COX7A2L: variants seen among roughly 807,000 people sequenced by gnomAD.
COX7A2L encodes cytochrome c oxidase subunit 7A2-like, mitochondrial.
In COX7A2L, 18 loss-of-function variants were observed where a neutral mutation model predicts 14.2. The ratio of observed to expected loss-of-function variants is 1.27; its 90% confidence interval spans 0.88 to 1.88. The LOEUF (loss-of-function observed/expected upper bound fraction) is 1.88, where lower values mean the gene tolerates loss of function less well. Among genes scored for constraint, COX7A2L ranks in the 40% most tolerant of loss-of-function variants. The pLI, the probability that COX7A2L is intolerant of heterozygous loss-of-function variation, is 0.00. For missense variants in COX7A2L, 179 were observed against 138.8 expected, an observed-to-expected ratio of 1.29 and a Z score of -1.46; for synonymous variants, 65 against 57.4, an observed-to-expected ratio of 1.13 and a Z score of -0.60.
At chr2:42,336,841 G>A (rs1670284950) in intron 2 of COX7A2L, among the ~76,000 whole-genome samples, 1 of 152,124 alleles carries the variant, frequency 6.6e-6, no homozygotes, top group Non-Finnish European at 1.5e-5. Flanking sequence ...GTTTATGTGG[G>A]ACTCAGGATC....
At chr2:42,343,485 A>T (rs1670439101) in intron 2 of COX7A2L, among the ~76,000 whole-genome samples, 1 of 152,240 alleles carries the variant, frequency 6.6e-6, no homozygotes, top group African/African-American at 2.4e-5. Flanking sequence ...GAGGAGCCAA[A>T]GATACCGGCC....
At chr2:42,364,250 CAA>C (rs35151680), upstream of COX7A2L, among the ~76,000 whole-genome samples, 279 of 85,402 alleles carry the variant, frequency 3.3e-3, 1 homozygote, top group South Asian at 8.5e-3. Flanking sequence ...GACTCCGTCT[CAA>C]AAAAAAAAAA....
At chr2:42,337,973 C>G (rs1469157658) in intron 2 of COX7A2L, among the ~76,000 whole-genome samples, 1 of 152,150 alleles carries the variant, frequency 6.6e-6, no homozygotes, top group African/African-American at 2.4e-5. Flanking sequence ...GGGAGAACCC[C>G]TAGCATGGCG....
At position 42,351,059 on chromosome 2, in the gene COX7A2L, T is replaced by C. The variant is rs183636967; in HGVS notation, c.*160A>G. 4.1e-6 allele frequency: 3 copies of C among 734,218 alleles called. No homozygotes were observed. Among genetic ancestry groups the C allele is most frequent in the South Asian group, 2.3e-5 (1 of 43,458 alleles). The allele number at this position is 734,218 out of a possible 1,614,324, so 45.5% of individuals were successfully genotyped here. On this transcript the variant is annotated 3_prime_UTR_variant, in exon 3 of 3. Coordinates refer to ENST00000234301, the MANE Select transcript of COX7A2L (RefSeq NM_004718.4). ...GTCGAATGAGCTCTGACAAGCCATATGCATTTCATAAACAAACCAAAACAT... is the reference window on the plus strand; with the variant it reads ...GTCGAATGAGCTCTGACAAGCCATACGCATTTCATAAACAAACCAAAACAT...
intron 1 of COX7A2L, among the ~76,000 whole-genome samples, chr2:42,360,767 G>T (rs779207536): frequency 2.1e-4 from 32 of 152,136 alleles, no homozygotes; most frequent in Non-Finnish European, 4.4e-4. Context: ...GAGGGAGAAG[G>T]CCGGACCTCT....
At chr2:42,341,905 G>C (rs543478376) in intron 2 of COX7A2L, among the ~76,000 whole-genome samples, 1 of 152,172 alleles carries the variant, frequency 6.6e-6, no homozygotes, top group Admixed American at 6.5e-5. Flanking sequence ...TCTCTGGACG[G>C]CTCTAATCAA....
At chr2:42,365,332 G>C (rs1042681020), upstream of COX7A2L, among the ~76,000 whole-genome samples, 1 of 152,182 alleles carries the variant, frequency 6.6e-6, no homozygotes, top group African/African-American at 2.4e-5. Flanking sequence ...TACACACACA[G>C]AAATACAAAG....
At chr2:42,347,041 AT>A (rs1670511301), downstream of COX7A2L, among the ~76,000 whole-genome samples, 1 of 151,818 alleles carries the variant, frequency 6.6e-6, no homozygotes, top group Non-Finnish European at 1.5e-5. Context: ...CCCTTTTTGT[AT>A]TTTTGTAGAG....
At chr2:42,341,235 G>A (rs915455122) in intron 2 of COX7A2L, among the ~76,000 whole-genome samples, 2 of 152,138 alleles carry the variant, frequency 1.3e-5, no homozygotes, top group Admixed American at 6.5e-5. Flanking sequence ...GACTGAGGCT[G>A]CAGACAGGCC....
chr2:42,361,124 G>A lies in COX7A2L; in HGVS notation c.38C>T (p.Ala13Val), dbSNP rs749476147. The A allele has an allele frequency of 1.3e-5, 21 of 1,613,712 alleles. No homozygotes were observed. In the East Asian group the frequency reaches 4.5e-4, roughly 34 times the overall value. The change falls in exon 1 of 3, where the codon GCA (alanine) becomes GTA (valine). Residue 13 changes from alanine (A) to valine (V), a missense_variant. Ala to Val is a moderately conservative substitution (Grantham distance 64). Coordinates refer to ENST00000234301, the MANE Select transcript of COX7A2L (RefSeq NM_004718.4). The stretch of plus-strand genomic sequence containing the variant: ...ATAGGCCTCCGAAGCCCATGCTCCT[G>A]CCAACTTCTGCGTGAAGCCACTAAA... ...YKFSGFTQKL[A>V]GAWASEAYSP...
intron 1 of COX7A2L, among the ~76,000 whole-genome samples, chr2:42,354,232 T>A (rs1009702116): frequency 1.3e-5 from 2 of 152,184 alleles, no homozygotes; most frequent in African/African-American, 4.8e-5. Flanking sequence ...AATGGGCAAC[T>A]TGTATGCTAT....
chr2:42,348,659 C>G (rs1316515778), downstream of COX7A2L, among the ~76,000 whole-genome samples: 1 of 152,140 alleles, frequency 6.6e-6, no homozygotes, highest in African/African-American at 2.4e-5. Flanking sequence ...TGACTCACGC[C>G]TGTAATCCCA....
At chr2:42,341,063 C>T (rs746083378) in intron 2 of COX7A2L, among the ~76,000 whole-genome samples, 46 of 152,068 alleles carry the variant, frequency 3.0e-4, no homozygotes, top group Non-Finnish European at 5.4e-4. Flanking sequence ...TTGGTTATAA[C>T]GTGTCACATC....
chr2:42,355,717 CTTTTTTTTT>C (rs386390054), intron 1 of COX7A2L, among the ~76,000 whole-genome samples: 5 of 69,052 alleles, frequency 7.2e-5, no homozygotes, highest in South Asian at 5.4e-4. Flanking sequence ...ATCCTACGTT[CTTTTTTTTT>C]TTTTTTTTTT....
At chr2:42,360,898 T>A in intron 1 of COX7A2L, 192 bp downstream of exon 1, 1 of 639,436 alleles carries the variant, frequency 1.6e-6, no homozygotes, top group Admixed American at 2.8e-5. Context: ...CCCCGCCAGG[T>A]GAGCAGGTAC....
chr2:42,353,535 C>A (rs1168364508), intron 1 of COX7A2L, among the ~76,000 whole-genome samples, 192 bp from the exon 2 acceptor site: 2 of 152,136 alleles, frequency 1.3e-5, no homozygotes, highest in African/African-American at 4.8e-5. Context: ...CCAACAAAGG[C>A]CCAATCTGAG....
downstream of COX7A2L, among the ~76,000 whole-genome samples, chr2:42,347,389 A>G (rs1419430754): frequency 6.6e-6 from 1 of 150,744 alleles, no homozygotes; most frequent in African/African-American, 2.4e-5. Context: ...TCTCACGTCT[A>G]GAAATGATCC....
chr2:42,336,637 G>C (rs537352812), intron 2 of COX7A2L, among the ~76,000 whole-genome samples: 1 of 152,310 alleles, frequency 6.6e-6, no homozygotes, highest in Non-Finnish European at 1.5e-5. Flanking sequence ...CACTGGGTTG[G>C]AATGATTTGA....
At chr2:42,353,692 C>A (rs550014544) in intron 1 of COX7A2L, among the ~76,000 whole-genome samples, 2 of 152,230 alleles carry the variant, frequency 1.3e-5, no homozygotes, top group South Asian at 4.1e-4. Flanking sequence ...GAATGTCTAA[C>A]CCCAGAGCAG....
Sources: gnomAD v4.1 joint callset for allele counts (sites outside exome capture counted in the v4.1 genomes callset) on GRCh38, gnomAD v4.1.1 for gene constraint, MANE v1.5 for transcripts, NCBI Gene and HGNC (gene_info 2026-07-23, HGNC 2026-07-21) for gene names.